The following ADTRP variants were observed in gnomAD, a reference collection of about 807,000 sequenced individuals.
The protein encoded by ADTRP is androgen dependent TFPI regulating protein.
Under a neutral mutation model 27.0 loss-of-function variants are expected in ADTRP, and 20 were observed. That is an observed-to-expected ratio of 0.74 (90% CI 0.52 to 1.08). The LOEUF is 1.08. Ranked by LOEUF, ADTRP falls within the 50% of genes least tolerant of loss-of-function variation. The pLI, the probability that ADTRP is intolerant of heterozygous loss-of-function variation, is 0.00. For missense variants in ADTRP, 251 were observed against 275.0 expected (o/e 0.91, Z 0.62); for synonymous variants, 101 against 105.2 (o/e 0.96, Z 0.25).
intron 4 of ADTRP, among the ~76,000 whole-genome samples, chr6:11,727,619 A>G (rs1287390744): frequency 6.6e-6 from 1 of 152,154 alleles, no homozygotes; most frequent in Admixed American, 6.5e-5. Context: ...GGCTTGGAAA[A>G]TTTCTGTTTA....
chr6:11,756,266 T>A (rs1763211550), intron 3 of ADTRP, among the ~76,000 whole-genome samples: 1 of 152,128 alleles, frequency 6.6e-6, no homozygotes, highest in Non-Finnish European at 1.5e-5. Context: ...CTTGGGAGGC[T>A]GAGGCTGCAG....
At chr6:11,768,128 T>C in intron 2 of ADTRP, 121 bp downstream of exon 2, 1 of 1,231,618 alleles carries the variant, frequency 8.1e-7, no homozygotes, top group Non-Finnish European at 1.1e-6. Context: ...GACAGGACAT[T>C]GTTGTAAATG....
chr6:11,755,023 A>G (rs1581351851), intron 3 of ADTRP: 1 of 984,894 alleles, frequency 1.0e-6, no homozygotes, highest in Non-Finnish European at 1.2e-6. Context: ...ATCTTCTGTT[A>G]TGAGTTTCTC....
At chr6:11,750,954 C>T (rs1233783431) in intron 3 of ADTRP, among the ~76,000 whole-genome samples, 2 of 152,194 alleles carry the variant, frequency 1.3e-5, no homozygotes, top group African/African-American at 4.8e-5. Flanking sequence ...CAGGCTCAAA[C>T]GATTCTCCTG....
chr6:11,777,777 C>T (rs933581937), intron 1 of ADTRP, among the ~76,000 whole-genome samples: 9 of 152,180 alleles, frequency 5.9e-5, no homozygotes, highest in African/African-American at 9.7e-5. Flanking sequence ...ATACATTCTC[C>T]GCTTGTCAAA....
intron 3 of ADTRP, among the ~76,000 whole-genome samples, chr6:11,744,086 T>C (rs1762795454): frequency 6.6e-6 from 1 of 152,156 alleles, no homozygotes; most frequent in South Asian, 2.1e-4. Context: ...CTTGGTGTGT[T>C]TGAGTAATGA....
chr6:11,718,621 C>A (rs1240981717), intron 5 of ADTRP, among the ~76,000 whole-genome samples: 1 of 152,180 alleles, frequency 6.6e-6, no homozygotes, highest in Non-Finnish European at 1.5e-5. Flanking sequence ...CAGCTTCCCC[C>A]ATCTGCTTCT....
intron 2 of ADTRP, among the ~76,000 whole-genome samples, chr6:11,767,346 A>G (rs774968432): frequency 3.3e-5 from 5 of 152,044 alleles, no homozygotes; most frequent in Admixed American, 1.3e-4. Flanking sequence ...CCCCTCCCCT[A>G]CCCCCCAAAA....
intron 3 of ADTRP, among the ~76,000 whole-genome samples, chr6:11,755,314 A>G (rs866807739): frequency 1.3e-5 from 2 of 152,256 alleles, no homozygotes; most frequent in Middle Eastern, 6.8e-3. Context: ...ATAGGAAATC[A>G]CTGAATAATG....
At chr6:11,729,988 C>T (rs888033705) in intron 4 of ADTRP, among the ~76,000 whole-genome samples, 3 of 152,186 alleles carry the variant, frequency 2.0e-5, no homozygotes, top group African/African-American at 7.2e-5. Flanking sequence ...GTGTCTCAGG[C>T]ATGTCTCTCA....
intron 3 of ADTRP, among the ~76,000 whole-genome samples, chr6:11,749,701 G>T (rs1275114651): frequency 6.6e-6 from 1 of 152,154 alleles, no homozygotes; most frequent in East Asian, 1.9e-4. Context: ...GAAGATGGGG[G>T]CAAAAACAGG....
At chr6:11,765,049 C>T (rs116501488) in intron 3 of ADTRP, among the ~76,000 whole-genome samples, 118 of 152,122 alleles carry the variant, frequency 7.8e-4, no homozygotes, top group African/African-American at 2.6e-3. Flanking sequence ...TAGTTCTGGT[C>T]CTGAACTCCA....
Position 11,778,621 on chromosome 6 carries a change from T to A in ADTRP, c.139A>T (p.Thr47Ser). ...TATGGACTTACCAGATTAAGCAGCG[T>A]CATATATTTCCACCTTGCACCATTT... ...LANGARWKYM[T>S]LLNLLLQTIF... Residue 47 changes from threonine to serine, a missense_variant, in exon 1 of 6, where the codon ACG (threonine) becomes TCG (serine). Coordinates refer to ENST00000414691, the MANE Select transcript of ADTRP (RefSeq NM_032744.4). 1.9e-6 allele frequency: 3 copies of A among 1,614,206 alleles called. No homozygotes were observed. The highest frequency in any genetic ancestry group is 2.5e-6 in the Non-Finnish European group (3 of 1,180,026).
intron 4 of ADTRP, among the ~76,000 whole-genome samples, chr6:11,731,103 G>A (rs539909854): frequency 1.6e-4 from 25 of 152,296 alleles, no homozygotes; most frequent in South Asian, 4.1e-4. Context: ...TGCAGTGCAC[G>A]ACAGGGGCAT....
intron 4 of ADTRP, among the ~76,000 whole-genome samples, chr6:11,735,260 C>A (rs1762512648): frequency 6.6e-6 from 1 of 152,156 alleles, no homozygotes; most frequent in African/African-American, 2.4e-5. Context: ...AAGATAGAAC[C>A]AAGGAGCAAC....
chr6:11,753,579 T>C (rs1282317186), intron 3 of ADTRP, among the ~76,000 whole-genome samples: 1 of 152,218 alleles, frequency 6.6e-6, no homozygotes, highest in Non-Finnish European at 1.5e-5. Flanking sequence ...AGTGAAGTAT[T>C]ATTTTAAAAT....
At position 11,714,528 on chromosome 6, in the gene ADTRP, C is replaced by A; in HGVS notation, c.659-16G>T. On this transcript the variant is annotated splice_polypyrimidine_tract_variant and intron_variant, in intron 5 of 5. Coordinates refer to ENST00000414691, the MANE Select transcript of ADTRP (RefSeq NM_032744.4). ...CTCATGTCACCTGTACAAACAAGAACAGAGACAGACCTCAGGCTTCAGGCT... is the reference window on the plus strand; with the variant it reads ...CTCATGTCACCTGTACAAACAAGAAAAGAGACAGACCTCAGGCTTCAGGCT... The A allele has an allele frequency of 6.2e-7, 1 of 1,610,838 alleles. No individual in the cohort carries two copies. Among genetic ancestry groups the A allele is most frequent in the South Asian group, 1.1e-5 (1 of 90,242 alleles).
At chr6:11,771,816 GAC>G (rs1763789357) in intron 1 of ADTRP, among the ~76,000 whole-genome samples, 3 of 152,176 alleles carry the variant, frequency 2.0e-5, no homozygotes, top group Non-Finnish European at 2.9e-5. Flanking sequence ...GAGGACTACA[GAC>G]ACACACAGAG....
intron 3 of ADTRP, among the ~76,000 whole-genome samples, chr6:11,757,162 C>T (rs778201423): frequency 6.6e-6 from 1 of 152,174 alleles, no homozygotes; most frequent in Non-Finnish European, 1.5e-5. Context: ...TCCAGTGTTT[C>T]CCTACAAAAG....
Sources: gnomAD v4.1 joint callset for allele counts (sites outside exome capture counted in the v4.1 genomes callset) on GRCh38, gnomAD v4.1.1 for gene constraint, MANE v1.5 for transcripts, NCBI Gene and HGNC (gene_info 2026-07-23, HGNC 2026-07-21) for gene names.